PTPRD: variants seen among roughly 807,000 people sequenced by gnomAD.
PTPRD encodes receptor-type tyrosine-protein phosphatase delta.
Under a neutral mutation model 214.5 loss-of-function variants are expected in PTPRD, and 34 were observed. The ratio of observed to expected loss-of-function variants is 0.16; its 90% confidence interval spans 0.12 to 0.21. The LOEUF is 0.21. Ranked by LOEUF, PTPRD falls within the 10% of genes least tolerant of loss-of-function variation. The pLI, the probability that PTPRD is intolerant of heterozygous loss-of-function variation, is 1.00. For synonymous variants in PTPRD, 1,128 were observed against 845.7 expected (o/e 1.33, Z -5.79); for missense variants, 2,545 against 2,398.7 (o/e 1.06, Z -1.27).
In PTPRD at chr9:8,391,354, C is replaced by G. The variant is rs143345929; in HGVS notation, c.4211-1947G>C. ...AGCATTAGTTGAAAAGCCTTTTGAGCAAAACTTGAAATGCATGGTTGGCTG... is the reference window on the plus strand; with the variant it reads ...AGCATTAGTTGAAAAGCCTTTTGAGGAAAACTTGAAATGCATGGTTGGCTG... On this transcript the variant is annotated intron_variant, in intron 36 of 45. Coordinates refer to ENST00000381196, the MANE Select transcript of PTPRD (RefSeq NM_002839.4). 1.6e-3 allele frequency among the ~76,000 whole-genome samples: 240 copies of G among 152,216 alleles called. 2 individuals carry two copies. Among genetic ancestry groups the G allele is most frequent in the African/African-American group, 5.4e-3 (225 of 41,540 alleles).
At chr9:8,432,085 C>T (rs181330187) in intron 35 of PTPRD, among the ~76,000 whole-genome samples, 65 of 152,228 alleles carry the variant, frequency 4.3e-4, no homozygotes, top group Middle Eastern at 3.4e-3. Flanking sequence ...GATCTGTAGG[C>T]GCCAGCCTAA....
chr9:9,358,021 CAGAAAAAT>C (rs1250296296), intron 9 of PTPRD, among the ~76,000 whole-genome samples: 1 of 151,236 alleles, frequency 6.6e-6, no homozygotes, highest in Non-Finnish European at 1.5e-5. Context: ...ACAGGCTATA[CAGAAAAAT>C]ATGAGATTTT....
chr9:9,059,198 T>C (rs2099702716), intron 10 of PTPRD, among the ~76,000 whole-genome samples: 1 of 152,280 alleles, frequency 6.6e-6, no homozygotes. Flanking sequence ...AGTCAATACA[T>C]TTTCCGTTAG....
intron 3 of PTPRD, among the ~76,000 whole-genome samples, chr9:10,327,613 A>T (rs549116172): frequency 1.8e-4 from 27 of 151,880 alleles, no homozygotes; most frequent in Non-Finnish European, 2.9e-4. Flanking sequence ...TTAAATATAT[A>T]TTAAAACATT....
intron 43 of PTPRD, among the ~76,000 whole-genome samples, chr9:8,333,224 A>G (rs137859112): frequency 6.6e-6 from 1 of 152,158 alleles, no homozygotes; most frequent in Non-Finnish European, 1.5e-5. Context: ...CTGTTTCTGG[A>G]AAAGATTTGG....
chr9:10,081,717 T>C (rs887634490), intron 3 of PTPRD, among the ~76,000 whole-genome samples: 1 of 152,038 alleles, frequency 6.6e-6, no homozygotes, highest in African/African-American at 2.4e-5. Flanking sequence ...AAGACAGGGG[T>C]GTTATTATAT....
chr9:8,656,085 A>T (rs2154349500), intron 12 of PTPRD, among the ~76,000 whole-genome samples: 1 of 152,204 alleles, frequency 6.6e-6, no homozygotes, highest in Non-Finnish European at 1.5e-5. Flanking sequence ...TGAAAAAAAC[A>T]TTTTTTAACA....
At position 8,443,455 on chromosome 9, in the gene PTPRD, C is replaced by T. The variant is rs73424269; in HGVS notation, c.3988+6270G>A. ...AGTTGCTGTGCAGACATTTCTGCTG[C>T]TGATACCACTATTTCTGATCCGTTA... On this transcript the variant is annotated intron_variant, in intron 34 of 45. Transcript: ENST00000381196. Among the ~76,000 whole-genome samples the T allele has an allele frequency of 5.9e-3, 899 of 152,298 alleles. 9 individuals are homozygous for T. The highest frequency in any genetic ancestry group is 0.021 in the African/African-American group (859 of 41,562).
rs1228377632 is a variant in PTPRD, at chr9:10,082,822, CACACACACACACACACAA to C, written c.-544-49050_-544-49033del. On this transcript the variant is annotated intron_variant, in intron 3 of 45. Transcript: ENST00000381196. ...TTCTTCTACTCCTCCTACACACACACACACACACACACACACAAACACACACACACACACACACACACC... is the reference window on the plus strand; with the variant it reads ...TTCTTCTACTCCTCCTACACACACACACACACACACACACACACACACACC... 8.3e-4 allele frequency among the ~76,000 whole-genome samples: 110 copies of C among 133,294 alleles called. 1 individual carries two copies. The highest frequency in any genetic ancestry group is 3.3e-3 in the African/African-American group (96 of 29,148). 87.4% of individuals were successfully genotyped at this position (133,294 alleles called of 152,430 possible). A position where few individuals can be genotyped will look rare whatever the true frequency, so the allele number is the denominator to read the frequency against.
intron 8 of PTPRD, among the ~76,000 whole-genome samples, chr9:9,444,920 C>T (rs1383411930): frequency 6.6e-6 from 1 of 152,172 alleles, no homozygotes; most frequent in African/African-American, 2.4e-5. Flanking sequence ...CCTATTTTCT[C>T]TATCCTTCAT....
chr9:10,363,992 T>TTTTTGTTG (rs1598164679), intron 2 of PTPRD, among the ~76,000 whole-genome samples: 2 of 36,488 alleles, frequency 5.5e-5, no homozygotes, highest in South Asian at 9.2e-4. Flanking sequence ...CATTTTCGGG[T>TTTTTGTTG]TTTTTTTTTT....
chr9:10,069,579 T>C (rs2097955207), intron 3 of PTPRD, among the ~76,000 whole-genome samples: 1 of 152,090 alleles, frequency 6.6e-6, no homozygotes, highest in African/African-American at 2.4e-5. Flanking sequence ...TTCAGAATTA[T>C]GGTGCACAAG....
At chr9:10,507,394 A>G (rs573878166) in intron 2 of PTPRD, among the ~76,000 whole-genome samples, 1 of 152,294 alleles carries the variant, frequency 6.6e-6, no homozygotes, top group East Asian at 1.9e-4. Flanking sequence ...TATAGATTCA[A>G]TGCCATCCCC....
Position 9,823,189 on chromosome 9 carries a change from A to T in PTPRD, c.-367-56338T>A, listed in dbSNP as rs1001064050. ...TAATTTATAAAGAAAAGAGGTAATC[A>T]GTTCATAGTTCTGCAGGCTTTATAG... On this transcript the variant is annotated intron_variant, in intron 5 of 45. Transcript: ENST00000381196. Among the ~76,000 whole-genome samples, 6 of 152,130 alleles carry T rather than the reference A, an allele frequency of 3.9e-5. 1 individual carries two copies. Among genetic ancestry groups the T allele is most frequent in the Non-Finnish European group, 7.4e-5 (5 of 68,024 alleles).
At chr9:10,548,636 C>A (rs957752666) in intron 2 of PTPRD, among the ~76,000 whole-genome samples, 1 of 152,094 alleles carries the variant, frequency 6.6e-6, no homozygotes, top group African/African-American at 2.4e-5. Flanking sequence ...ATAACTTGTG[C>A]AAATTCTAAA....
At chr9:8,953,164 C>T (rs2099112558) in intron 11 of PTPRD, among the ~76,000 whole-genome samples, 1 of 151,876 alleles carries the variant, frequency 6.6e-6, no homozygotes, top group Admixed American at 6.6e-5. Context: ...AAGCAGTTTC[C>T]TGTGGCACAT....
At chr9:9,367,292 T>C (rs1386280977) in intron 9 of PTPRD, among the ~76,000 whole-genome samples, 1 of 151,420 alleles carries the variant, frequency 6.6e-6, no homozygotes, top group East Asian at 1.9e-4. Flanking sequence ...AGAATACAGG[T>C]AAAAGTATCA....
chr9:10,462,515 G>A (rs1405425040), intron 2 of PTPRD, among the ~76,000 whole-genome samples: 1 of 152,140 alleles, frequency 6.6e-6, no homozygotes, highest in Non-Finnish European at 1.5e-5. Context: ...GCTCTTTAGA[G>A]CATTCCACAC....
At chr9:10,192,206 T>C (rs1191946958) in intron 3 of PTPRD, among the ~76,000 whole-genome samples, 1 of 152,094 alleles carries the variant, frequency 6.6e-6, no homozygotes, top group Non-Finnish European at 1.5e-5. Flanking sequence ...GGCAGATACC[T>C]ACAGCACTGT....
Sources: allele counts gnomAD v4.1 joint callset (sites outside exome capture counted in the v4.1 genomes callset), GRCh38; gene constraint gnomAD v4.1.1; transcripts MANE v1.5; gene names NCBI Gene and HGNC (gene_info 2026-07-23, HGNC 2026-07-21).